The following SEPTIN6 variants were observed in gnomAD, a reference collection of about 807,000 sequenced individuals.
SEPTIN6 encodes septin-6.
In SEPTIN6, 8 loss-of-function variants were observed where a neutral mutation model predicts 33.6. That is an observed-to-expected ratio of 0.24 (90% CI 0.14 to 0.43). The LOEUF (loss-of-function observed/expected upper bound fraction) is 0.43. Among genes scored for constraint, SEPTIN6 ranks in the 20% least tolerant of loss-of-function variants. SEPTIN6 has a pLI of 1.00. For missense variants in SEPTIN6, 250 were observed against 340.8 expected, an observed-to-expected ratio of 0.73 and a Z score of 2.10; for synonymous variants, 131 against 140.0, an observed-to-expected ratio of 0.94 and a Z score of 0.45.
chrX:119,647,416 CTTTT>C (rs1439195714), intron 5 of SEPTIN6, among the ~76,000 whole-genome samples: 4 of 102,636 alleles, frequency 3.9e-5, no homozygotes, highest in Non-Finnish European at 7.9e-5. Flanking sequence ...TCCTTCCTTC[CTTTT>C]TATTTCTTTC....
At chrX:119,677,718 C>T (rs1162131230) in intron 1 of SEPTIN6, among the ~76,000 whole-genome samples, 1 of 112,479 alleles carries the variant, frequency 8.9e-6, no homozygotes, top group Non-Finnish European at 1.9e-5. Flanking sequence ...TCAGAACCGG[C>T]TCCCAGATAG....
At chrX:119,692,045 G>A (rs939465044) in intron 1 of SEPTIN6, among the ~76,000 whole-genome samples, 6 of 111,238 alleles carry the variant, frequency 5.4e-5, no homozygotes, top group African/African-American at 2.0e-4. Flanking sequence ...GGAGCCTCAG[G>A]TCACTTCAAC....
chrX:119,684,079 A>G, intron 1 of SEPTIN6, among the ~76,000 whole-genome samples: 1 of 108,896 alleles, frequency 9.2e-6, no homozygotes, highest in Admixed American at 1.0e-4. Flanking sequence ...AGCTGGGATT[A>G]CAGGTGTGTA....
chrX:119,663,715 A>G (rs1443164220), intron 2 of SEPTIN6, 38 bp from the exon 3 acceptor site: 1 of 1,063,307 alleles, frequency 9.4e-7, no homozygotes, highest in Non-Finnish European at 1.3e-6. Flanking sequence ...CTGTTCACAT[A>G]GTGACTATTC....
chrX:119,640,099 A>G (rs1603336681), intron 6 of SEPTIN6, among the ~76,000 whole-genome samples: 1 of 94,714 alleles, frequency 1.1e-5, no homozygotes, highest in Non-Finnish European at 2.1e-5. Flanking sequence ...GGAGTGAGCC[A>G]CCGCGCCCAG....
intron 2 of SEPTIN6, among the ~76,000 whole-genome samples, chrX:119,664,859 A>AAAT (rs1391573322): frequency 5.5e-4 from 59 of 106,493 alleles, no homozygotes; most frequent in African/African-American, 2.0e-3. Context: ...AAAAAAAAAA[A>AAAT]AAGACAGCGG....
At chrX:119,653,306 G>A (rs1436324425) in intron 3 of SEPTIN6, among the ~76,000 whole-genome samples, 2 of 111,757 alleles carry the variant, frequency 1.8e-5, no homozygotes, top group Non-Finnish European at 1.9e-5. Context: ...CCAGACCTCA[G>A]GGCTCAGCTT....
chrX:119,628,425 C>T (rs377607159), intron 9 of SEPTIN6, among the ~76,000 whole-genome samples: 3 of 110,490 alleles, frequency 2.7e-5, no homozygotes, highest in Admixed American at 9.6e-5. Context: ...ATTATAAGCG[C>T]GCGCCACCGC....
At chrX:119,615,899 T>G (rs2053659893), downstream of SEPTIN6, 1 of 167,806 alleles carries the variant, frequency 6.0e-6, no homozygotes, top group East Asian at 8.7e-5. Context: ...CACACACAGA[T>G]TCTGGAAAAC....
intron 6 of SEPTIN6, among the ~76,000 whole-genome samples, chrX:119,639,273 C>G (rs1449767711): frequency 9.0e-6 from 1 of 111,506 alleles, no homozygotes; most frequent in Non-Finnish European, 1.9e-5. Flanking sequence ...TTACAGAGAA[C>G]CAGCCACTCT....
intron 1 of SEPTIN6, among the ~76,000 whole-genome samples, chrX:119,681,433 G>C (rs2054957477): frequency 9.0e-6 from 1 of 111,052 alleles, no homozygotes; most frequent in Admixed American, 9.7e-5. Context: ...CTGAAGGCCT[G>C]AACTGAGATG....
At chrX:119,652,055 C>T (rs1338125648) in intron 4 of SEPTIN6, among the ~76,000 whole-genome samples, 3 of 111,891 alleles carry the variant, frequency 2.7e-5, no homozygotes, top group Admixed American at 1.9e-4. Context: ...TCCCCAATAG[C>T]TGGGATTATA....
Position 119,620,015 on chromosome X carries a change from T to C in SEPTIN6, c.*78A>G. 8.3e-7 allele frequency: 1 copy of C among 1,207,814 alleles called. No individual in the cohort carries two copies. Among genetic ancestry groups the C allele is most frequent in the Non-Finnish European group, 1.1e-6 (1 of 894,330 alleles). On this transcript the variant is annotated 3_prime_UTR_variant, in exon 11 of 11. Transcript: ENST00000394610. ...AATTAGAGAAAGGGAGGCCCAGCTC[T>C]GTTGCGCAGGAAAAGGGTGTCTACA...
At chrX:119,623,227 A>G (rs1385305188) in intron 10 of SEPTIN6, among the ~76,000 whole-genome samples, 1 of 112,118 alleles carries the variant, frequency 8.9e-6, no homozygotes, top group Non-Finnish European at 1.9e-5. Context: ...CAAATGTAAA[A>G]GGGCATTTAT....
chrX:119,627,751 A>G (rs2053877936), intron 9 of SEPTIN6, among the ~76,000 whole-genome samples: 2 of 108,155 alleles, frequency 1.8e-5, no homozygotes, highest in Non-Finnish European at 3.8e-5. Flanking sequence ...AGTTTCTGCT[A>G]AAGGCTCTCT....
intron 7 of SEPTIN6, among the ~76,000 whole-genome samples, chrX:119,636,585 T>C (rs1452416002): frequency 3.6e-5 from 4 of 110,550 alleles, no homozygotes; most frequent in Non-Finnish European, 7.6e-5. Context: ...GGGAAATGGG[T>C]AAAGAACAGA....
At chrX:119,620,495 A>AT (rs1383642960) in intron 10 of SEPTIN6, among the ~76,000 whole-genome samples, 1 of 107,816 alleles carries the variant, frequency 9.3e-6, no homozygotes, top group Non-Finnish European at 1.9e-5. Context: ...ATTTTTTTGT[A>AT]TTTTTAGTAG....
At chrX:119,658,134 T>A (rs1395590843) in intron 3 of SEPTIN6, among the ~76,000 whole-genome samples, 1 of 111,769 alleles carries the variant, frequency 8.9e-6, no homozygotes, top group Non-Finnish European at 1.9e-5. Context: ...CTCAAAAAAA[T>A]AAAAAAGAAT....
intron 1 of SEPTIN6, among the ~76,000 whole-genome samples, 186 bp from the exon 2 acceptor site, chrX:119,675,854 T>G (rs1025805970): frequency 2.7e-5 from 3 of 111,155 alleles, no homozygotes; most frequent in Non-Finnish European, 5.7e-5. Context: ...CACAGATTCT[T>G]GGGGACAGGC....
Sources: gnomAD v4.1 joint callset for allele counts (sites outside exome capture counted in the v4.1 genomes callset) on GRCh38, gnomAD v4.1.1 for gene constraint, MANE v1.5 for transcripts, NCBI Gene and HGNC (gene_info 2026-07-23, HGNC 2026-07-21) for gene names.